ITPKB: variants seen among roughly 807,000 people sequenced by gnomAD.
ITPKB encodes the protein IP3 3-kinase B.
In ITPKB, 13 loss-of-function variants were observed where a neutral mutation model predicts 69.4. The observed-to-expected ratio is 0.19, with a 90% CI of 0.12 to 0.30. The LOEUF (loss-of-function observed/expected upper bound fraction) is 0.30, where lower values mean the gene tolerates loss of function less well. Among genes scored for constraint, ITPKB ranks in the 10% least tolerant of loss-of-function variants. The pLI is 1.00. For missense variants in ITPKB, 1,240 were observed against 1,250.5 expected, an observed-to-expected ratio of 0.99 and a Z score of 0.13; for synonymous variants, 584 against 513.7, an observed-to-expected ratio of 1.14 and a Z score of -1.85.
intron 2 of ITPKB, among the ~76,000 whole-genome samples, chr1:226,731,376 T>C (rs770703888): frequency 1.3e-5 from 2 of 152,228 alleles, no homozygotes; most frequent in Non-Finnish European, 2.9e-5. Flanking sequence ...GCCTTTCTTA[T>C]GGCAAAGAGA....
chr1:226,715,020 T>C (rs934359142), intron 2 of ITPKB, among the ~76,000 whole-genome samples: 2 of 152,248 alleles, frequency 1.3e-5, no homozygotes, highest in Non-Finnish European at 2.9e-5. Flanking sequence ...TGTCCCTAAA[T>C]GCCAACGATG....
intron 3 of ITPKB, among the ~76,000 whole-genome samples, chr1:226,648,037 C>G (rs1669098306): frequency 6.6e-6 from 1 of 152,210 alleles, no homozygotes; most frequent in Admixed American, 6.5e-5. Flanking sequence ...GATGACAGTG[C>G]TTCCAGAGGG....
chr1:226,656,675 G>A (rs945412429), intron 2 of ITPKB: 7 of 152,250 alleles, frequency 4.6e-5, no homozygotes, highest in Admixed American at 2.0e-4. Flanking sequence ...GGCAGCCCAC[G>A]GAGTTGGATG....
At chr1:226,656,397 C>A (rs573520495) in intron 2 of ITPKB, among the ~76,000 whole-genome samples, 58 of 152,328 alleles carry the variant, frequency 3.8e-4, no homozygotes, top group African/African-American at 1.3e-3. Flanking sequence ...ATTTCACATT[C>A]TGGGCAGGTG....
At chr1:226,690,914 C>T (rs764730949) in intron 2 of ITPKB, among the ~76,000 whole-genome samples, 5 of 152,232 alleles carry the variant, frequency 3.3e-5, no homozygotes, top group Non-Finnish European at 7.3e-5. Flanking sequence ...ACACATGCTA[C>T]AACAGGGATG....
chr1:226,632,575 C>G lies in ITPKB; in HGVS notation c.*2096G>C, dbSNP rs1437305744. On this transcript the variant is annotated 3_prime_UTR_variant, in exon 8 of 8. Transcript: ENST00000429204. ...ACAGAATAACCCTAAAATGATGCTA[C>G]TTCATACTATGTTCACATATTTAAT... is the stretch of plus-strand genomic sequence containing the variant. The G allele has an allele frequency of 4.6e-5, 7 of 152,430 alleles. No individual in the cohort carries two copies. The highest frequency in any genetic ancestry group is 1.7e-4 in the African/African-American group (7 of 41,416). 9.4% of individuals were successfully genotyped at this position (152,430 alleles called of 1,614,324 possible).
chr1:226,663,415 C>T (rs1669437982), intron 2 of ITPKB, among the ~76,000 whole-genome samples: 1 of 152,146 alleles, frequency 6.6e-6, no homozygotes, highest in African/African-American at 2.4e-5. Flanking sequence ...CGCCCTACTG[C>T]AGCCAGGTTC....
At chr1:226,659,011 C>G (rs16846351) in intron 2 of ITPKB, among the ~76,000 whole-genome samples, 2,442 of 152,320 alleles carry the variant, frequency 0.016, 163 homozygotes, top group Admixed American at 0.11. Flanking sequence ...GTGCGTAGAC[C>G]TGGTCGGGCT....
In ITPKB at chr1:226,738,239, C is replaced by T. The variant is rs1657872637; in HGVS notation, c.-205-576G>A. On this transcript the variant is annotated intron_variant, in intron 1 of 7. Coordinates refer to ENST00000429204, the MANE Select transcript of ITPKB (RefSeq NM_002221.4). The surrounding 1 kb of genome is among the most constrained non-coding windows in gnomAD (Gnocchi z 4.2). ...GGATCTGGGAGGGCGCCCGCGTGCC[C>T]GCCGTTTACCTTCCTGACCCTAGCC... Among the ~76,000 whole-genome samples the T allele has an allele frequency of 1.3e-5, 2 of 152,222 alleles. No homozygotes were observed. The highest frequency in any genetic ancestry group is 6.5e-5 in the Admixed American group (1 of 15,286).
In ITPKB at chr1:226,735,975, G is replaced by T; in HGVS notation, c.1484C>A (p.Pro495His). The change falls in exon 2 of 8, where the codon CCT (proline) becomes CAT (histidine). Residue 495 changes from proline (P) to histidine (H), a missense_variant. Pro to His is a moderately conservative substitution (Grantham distance 77, BLOSUM62 -2). Around this residue, in one of 2 missense-constraint regions of ITPKB, gnomAD observed 992 missense variants for 853.8 expected, o/e 1.16. Coordinates refer to ENST00000429204, the MANE Select transcript of ITPKB (RefSeq NM_002221.4). Reference protein sequence around the residue: ...AKDLKEPQCPPGDRVGVQPGN... With the variant: ...AKDLKEPQCPHGDRVGVQPGN... The stretch of plus-strand genomic sequence containing the variant: ...AGGCTGCACACCCACCCTGTCCCCA[G>T]GAGGGCACTGAGGTTCTTTCAGATC... 5 of 1,614,016 alleles carry T rather than the reference G, an allele frequency of 3.1e-6. No individual in the cohort carries two copies. The highest frequency in any genetic ancestry group is 4.2e-6 in the Non-Finnish European group (5 of 1,180,026).
chr1:226,682,170 C>G (rs753677758), intron 2 of ITPKB, among the ~76,000 whole-genome samples: 3 of 152,164 alleles, frequency 2.0e-5, no homozygotes, highest in African/African-American at 4.8e-5. Flanking sequence ...TGGGTCCCCC[C>G]CCGCCCCGAG....
At position 226,647,194 on chromosome 1, in the gene ITPKB, C is replaced by A; in HGVS notation, c.2219G>T (p.Cys740Phe). The change falls in exon 4 of 8, where the codon TGT (cysteine) becomes TTT (phenylalanine). Residue 740 changes from cysteine (C) to phenylalanine (F), a missense_variant. Transcript: ENST00000429204. ...GATTCCCATCTTGCAGTCCATCACA[C>A]AGGGCGAGTCGAAGTCGGCCAGCAG... ...DDLLADFDSP[C>F]VMDCKMGIRT... 6.2e-7 allele frequency: 1 copy of A among 1,614,234 alleles called. No homozygotes were observed. The highest frequency in any genetic ancestry group is 8.5e-7 in the Non-Finnish European group (1 of 1,180,036).
chr1:226,700,406 T>C (rs1480337951), intron 2 of ITPKB, among the ~76,000 whole-genome samples: 1 of 133,188 alleles, frequency 7.5e-6, no homozygotes, highest in Non-Finnish European at 1.5e-5. Flanking sequence ...GAGGCGGAGA[T>C]TGCAGTGAGC....
At chr1:226,700,465 CAAAAAAAAA>C (rs58320585) in intron 2 of ITPKB, among the ~76,000 whole-genome samples, 4 of 53,942 alleles carry the variant, frequency 7.4e-5, no homozygotes, top group African/African-American at 2.6e-4. Context: ...AAGACTCCGT[CAAAAAAAAA>C]AAAAAAAAAA....
At position 226,637,819 on chromosome 1, in the gene ITPKB, G is replaced by T. The variant is rs1307079489; in HGVS notation, c.2554-69C>A. On this transcript the variant is annotated intron_variant, in intron 6 of 7. Coordinates refer to ENST00000429204, the MANE Select transcript of ITPKB (RefSeq NM_002221.4). This position sits in a 1 kb window ranked among gnomAD's most constrained non-coding sequence, Gnocchi z 4.3. ...AAGGGCAGTGTCAGAACACCCATGCGGCCTCTAGTGGTCCCTCCCGTGAAT... is the reference window on the plus strand; with the variant it reads ...AAGGGCAGTGTCAGAACACCCATGCTGCCTCTAGTGGTCCCTCCCGTGAAT... 1.8e-6 allele frequency: 2 copies of T among 1,137,454 alleles called. No homozygotes were observed. The highest frequency in any genetic ancestry group is 2.6e-6 in the Non-Finnish European group (2 of 758,966). The allele number at this position is 1,137,454 out of a possible 1,614,324, so 70.5% of individuals were successfully genotyped here. A position where few individuals can be genotyped will look rare whatever the true frequency, so the allele number is the denominator to read the frequency against.
chr1:226,640,235 C>T (rs1668931265), intron 5 of ITPKB, among the ~76,000 whole-genome samples: 1 of 152,262 alleles, frequency 6.6e-6, no homozygotes, highest in Non-Finnish European at 1.5e-5. Context: ...CTCCCATCTT[C>T]TTGGCCCCAG....
Position 226,651,236 on chromosome 1 carries a change from G to A in ITPKB, c.1933-2465C>T, listed in dbSNP as rs113909742. On this transcript the variant is annotated intron_variant, in intron 2 of 7. Transcript: ENST00000429204. ...AACCAGACCTGCTATGGGCATGGGG[G>A]CTGCAGACAGAGGGAGATAGGTGAG... Among the ~76,000 whole-genome samples, 694 of 152,332 alleles carry A rather than the reference G, an allele frequency of 4.6e-3. 7 individuals carry two copies. Among genetic ancestry groups the A allele is most frequent in the African/African-American group, 0.016 (649 of 41,566 alleles).
At chr1:226,663,908 T>C (rs1202958392) in intron 2 of ITPKB, among the ~76,000 whole-genome samples, 1 of 152,192 alleles carries the variant, frequency 6.6e-6, no homozygotes, top group African/African-American at 2.4e-5. Flanking sequence ...TTTCACAAAG[T>C]GAGGTGAGGA....
chr1:226,662,879 T>C (rs1000851562), intron 2 of ITPKB, among the ~76,000 whole-genome samples: 7 of 152,216 alleles, frequency 4.6e-5, no homozygotes, highest in South Asian at 4.1e-4. Context: ...CAAAGAAGCA[T>C]CTGCAGCCCT....
Sources: allele counts gnomAD v4.1 joint callset (sites outside exome capture counted in the v4.1 genomes callset), GRCh38; gene constraint gnomAD v4.1.1; regional missense constraint gnomAD v4.1.1; non-coding constraint Gnocchi (gnomAD v3.1); transcripts MANE v1.5; gene names NCBI Gene and HGNC (gene_info 2026-07-23, HGNC 2026-07-21).